RABGAP1L: variants seen among roughly 807,000 people sequenced by gnomAD.
RABGAP1L encodes RAB GTPase activating protein 1 like, also known as rab GTPase-activating protein 1-like.
RABGAP1L carries 63 observed loss-of-function variants against 137.7 expected under a neutral mutation model. The observed-to-expected ratio is 0.46, with a 90% CI of 0.37 to 0.56. The LOEUF (loss-of-function observed/expected upper bound fraction) is 0.56, where lower values mean the gene tolerates loss of function less well. RABGAP1L is among the 20% of genes least tolerant of loss of function. The pLI, the probability that RABGAP1L is intolerant of heterozygous loss-of-function variation, is 0.00. For synonymous variants in RABGAP1L, 431 were observed against 433.7 expected, an observed-to-expected ratio of 0.99 and a Z score of 0.08; for missense variants, 1,095 against 1,244.0, an observed-to-expected ratio of 0.88 and a Z score of 1.80.
chr1:174,674,245 C>G (rs1163289124), intron 14 of RABGAP1L, among the ~76,000 whole-genome samples: 1 of 123,414 alleles, frequency 8.1e-6, no homozygotes, highest in South Asian at 3.3e-4. Flanking sequence ...CCCCTCCCCC[C>G]ACCCCACAAC....
intron 18 of RABGAP1L, among the ~76,000 whole-genome samples, chr1:174,801,397 A>G (rs1165077634): frequency 2.0e-5 from 3 of 152,142 alleles, no homozygotes; most frequent in Non-Finnish European, 2.9e-5. Flanking sequence ...TTTCTCTCCT[A>G]TATCTCCCTT....
At chr1:174,756,520 C>G (rs1362182859) in intron 18 of RABGAP1L, among the ~76,000 whole-genome samples, 1 of 151,832 alleles carries the variant, frequency 6.6e-6, no homozygotes, top group African/African-American at 2.4e-5. Flanking sequence ...TTTACAAGGA[C>G]AGTGACTTTT....
intron 19 of RABGAP1L, among the ~76,000 whole-genome samples, chr1:174,834,549 G>T (rs1692528385): frequency 6.6e-6 from 1 of 151,876 alleles, no homozygotes; most frequent in Non-Finnish European, 1.5e-5. Flanking sequence ...GCAAAGCCAG[G>T]ACTCTCAAAG....
chr1:174,712,590 G>A (rs1680643477), intron 17 of RABGAP1L, among the ~76,000 whole-genome samples: 1 of 152,070 alleles, frequency 6.6e-6, no homozygotes, highest in Non-Finnish European at 1.5e-5. Context: ...GAGAGTCTGC[G>A]GCTTCATTCT....
intron 13 of RABGAP1L, among the ~76,000 whole-genome samples, chr1:174,439,239 G>T (rs1174833415): frequency 6.6e-6 from 1 of 151,998 alleles, no homozygotes; most frequent in Non-Finnish European, 1.5e-5. Context: ...ATCAGGTTGA[G>T]GAAGTTTTCT....
intron 19 of RABGAP1L, among the ~76,000 whole-genome samples, chr1:174,821,648 C>T (rs1438973309): frequency 6.6e-6 from 1 of 152,172 alleles, no homozygotes; most frequent in Non-Finnish European, 1.5e-5. Flanking sequence ...AGCAATTTAC[C>T]TCTAATTTCT....
intron 11 of RABGAP1L, among the ~76,000 whole-genome samples, chr1:174,349,368 C>A (rs1156341362): frequency 7.3e-6 from 1 of 137,040 alleles, no homozygotes; most frequent in Non-Finnish European, 1.6e-5. Flanking sequence ...CTGACCCCCC[C>A]CACCTCCCTC....
At chr1:174,877,330 C>CG in intron 19 of RABGAP1L, 4 of 1,350,848 alleles carry the variant, frequency 3.0e-6, no homozygotes, top group East Asian at 2.6e-5. Context: ...ATAGCAGCCG[C>CG]TTTTTTTTTC....
intron 14 of RABGAP1L, among the ~76,000 whole-genome samples, chr1:174,682,341 TACATC>T (rs1180534678): frequency 2.1e-5 from 3 of 145,018 alleles, no homozygotes; most frequent in African/African-American, 7.7e-5. Flanking sequence ...CACACACACA[TACATC>T]ACAACAACTA....
At chr1:174,621,877 T>A (rs1672511370) in intron 13 of RABGAP1L, among the ~76,000 whole-genome samples, 1 of 152,152 alleles carries the variant, frequency 6.6e-6, no homozygotes, top group Non-Finnish European at 1.5e-5. Flanking sequence ...CTAAAGAGCT[T>A]CTGCACAGCA....
chr1:174,385,519 T>G (rs1313057009), intron 12 of RABGAP1L, among the ~76,000 whole-genome samples: 4 of 152,192 alleles, frequency 2.6e-5, no homozygotes, highest in Admixed American at 2.6e-4. Context: ...TTTAAAGCTG[T>G]TAGAATGAAA....
rs1444260699 is a variant in RABGAP1L at position 174,327,982 on chromosome 1, CACACATATATAT to C, written c.1465+22857_1465+22868del. Among the ~76,000 whole-genome samples the C allele has an allele frequency of 7.5e-3, 185 of 24,742 alleles. 11 individuals are homozygous for C. The highest frequency in any genetic ancestry group is 0.022 in the East Asian group (16 of 728). 16.2% of individuals were successfully genotyped at this position (24,742 alleles called of 152,430 possible). On this transcript the variant is annotated intron_variant, in intron 11 of 25. Coordinates refer to ENST00000681986, the MANE Select transcript of RABGAP1L (RefSeq NM_001366446.1). ...ATATATATATATATATATATATACA[CACACATATATAT>C]ATATATATATATATATATATATATA...
intron 20 of RABGAP1L, among the ~76,000 whole-genome samples, chr1:174,961,385 A>G (rs905831259): frequency 8.5e-5 from 13 of 152,240 alleles, no homozygotes; most frequent in Non-Finnish European, 1.6e-4. Context: ...AATACTTTCT[A>G]TCTTAAAGAG....
At chr1:174,892,449 G>A (rs1420405410) in intron 19 of RABGAP1L, 11 of 441,306 alleles carry the variant, frequency 2.5e-5, no homozygotes, top group Non-Finnish European at 4.4e-5. Flanking sequence ...GTTCATCAGC[G>A]TTATTTGTGC....
At chr1:174,800,006 C>A in intron 18 of RABGAP1L, 1 of 1,115,950 alleles carries the variant, frequency 9.0e-7, no homozygotes, top group Non-Finnish European at 1.1e-6. Flanking sequence ...ATGCTAGACC[C>A]TTCTAAGCAG....
At chr1:174,295,193 A>G (rs2148732134) in intron 10 of RABGAP1L, among the ~76,000 whole-genome samples, 1 of 150,730 alleles carries the variant, frequency 6.6e-6, no homozygotes, top group South Asian at 2.1e-4. Context: ...CTGGGATTGC[A>G]GGCATGAGCC....
At chr1:174,331,201 C>T (rs780815274) in intron 11 of RABGAP1L, among the ~76,000 whole-genome samples, 1 of 152,166 alleles carries the variant, frequency 6.6e-6, no homozygotes, top group Non-Finnish European at 1.5e-5. Flanking sequence ...GGATTAAATA[C>T]TTAAATGTGA....
chr1:174,191,653 A>G (rs554558693), intron 1 of RABGAP1L, among the ~76,000 whole-genome samples: 2 of 152,314 alleles, frequency 1.3e-5, no homozygotes, highest in African/African-American at 2.4e-5. Context: ...TTCCTGCCAC[A>G]TTCCTGTTGC....
intron 17 of RABGAP1L, among the ~76,000 whole-genome samples, chr1:174,728,711 G>A (rs779105346): frequency 6.7e-5 from 10 of 149,706 alleles, no homozygotes; most frequent in African/African-American, 2.5e-4. Flanking sequence ...GTACGATCTC[G>A]GCTCACTGCA....
Sources: allele counts gnomAD v4.1 joint callset (sites outside exome capture counted in the v4.1 genomes callset), GRCh38; gene constraint gnomAD v4.1.1; transcripts MANE v1.5; gene names NCBI Gene and HGNC (gene_info 2026-07-23, HGNC 2026-07-21).